The following EFHC1 variants were observed in gnomAD, a reference collection of about 807,000 sequenced individuals.
The protein encoded by EFHC1 is EF-hand domain-containing protein 1.
Under a neutral mutation model 69.9 loss-of-function variants are expected in EFHC1, and 53 were observed. The ratio of observed to expected loss-of-function variants is 0.76; its 90% confidence interval spans 0.61 to 0.95. The LOEUF (loss-of-function observed/expected upper bound fraction) is 0.95, where lower values mean the gene tolerates loss of function less well. Among genes scored for constraint, EFHC1 ranks in the 40% least tolerant of loss-of-function variants. The probability of loss-of-function intolerance (pLI) is 0.00; values close to 1 mark genes in which losing one functional copy is unlikely to be tolerated. For missense variants in EFHC1, 739 were observed against 798.7 expected, an observed-to-expected ratio of 0.93 and a Z score of 0.90; for synonymous variants, 256 against 278.4, an observed-to-expected ratio of 0.92 and a Z score of 0.80.
chr6:52,444,133 G>T (rs1376393135), intron 3 of EFHC1, among the ~76,000 whole-genome samples: 1 of 152,186 alleles, frequency 6.6e-6, no homozygotes, highest in African/African-American at 2.4e-5. Context: ...TTCGCACATT[G>T]ATTTTGTATC....
At chr6:52,483,157 A>G (rs1765715549) in intron 9 of EFHC1, 5 of 295,874 alleles carry the variant, frequency 1.7e-5, no homozygotes, top group Non-Finnish European at 3.1e-5. Flanking sequence ...TAAAGTCCTG[A>G]CAGATAAGTT....
Position 52,492,587 on chromosome 6 carries a change from G to C in EFHC1, c.*246G>C. ...TGTCAAATTGACTTGGCCACAGGGG[G>C]CCCAAATATTTCCTTTCTTTCTTTT... On this transcript the variant is annotated 3_prime_UTR_variant, in exon 11 of 11. Coordinates refer to ENST00000371068, the MANE Select transcript of EFHC1 (RefSeq NM_018100.4). The C allele has an allele frequency of 1.6e-6, 1 of 640,032 alleles. No individual in the cohort carries two copies. 39.6% of individuals were successfully genotyped at this position (640,032 alleles called of 1,614,324 possible).
In EFHC1 at chr6:52,492,283, G is replaced by A. The variant is rs765406474; in HGVS notation, c.1865G>A (p.Cys622Tyr). Reference sequence around the variant, plus strand: ...CTCTCTCTGCAGTTAATCAGGATGTGCTCTCATGGAGAAGGCAAAATTAAC... The same window carrying A: ...CTCTCTCTGCAGTTAATCAGGATGTACTCTCATGGAGAAGGCAAAATTAAC... Reference protein sequence around the residue: ...DSLVKELIRMCSHGEGKINYY... With the variant: ...DSLVKELIRMYSHGEGKINYY... The change falls in exon 11 of 11, where the codon TGC becomes TAC. Residue 622 changes from cysteine (C) to tyrosine (Y), a missense_variant. Cys to Tyr is a radical substitution (Grantham distance 194). Coordinates refer to ENST00000371068, the MANE Select transcript of EFHC1 (RefSeq NM_018100.4). 3 of 1,613,850 alleles carry A rather than the reference G, an allele frequency of 1.9e-6. No homozygotes were observed. Among genetic ancestry groups the A allele is most frequent in the African/African-American group, 2.7e-5 (2 of 74,902 alleles).
chr6:52,433,640 T>C (rs1472198416), intron 2 of EFHC1, among the ~76,000 whole-genome samples: 1 of 152,186 alleles, frequency 6.6e-6, no homozygotes, highest in Admixed American at 6.5e-5. Context: ...TGTACTATTT[T>C]TGTGCTGGTT....
intron 9 of EFHC1, among the ~76,000 whole-genome samples, chr6:52,489,652 C>G (rs1420323904): frequency 6.6e-6 from 1 of 152,180 alleles, no homozygotes; most frequent in African/African-American, 2.4e-5. Flanking sequence ...GATAACCTTT[C>G]ACAAAATTCA....
intron 9 of EFHC1, 130 bp downstream of exon 9, chr6:52,479,917 A>G (rs1359328382): frequency 7.1e-7 from 1 of 1,418,308 alleles, no homozygotes; most frequent in East Asian, 2.5e-5. Context: ...AGATATAAAC[A>G]GAAGGTTCCC....
chr6:52,466,439 A>G (rs1286599926), intron 6 of EFHC1, among the ~76,000 whole-genome samples: 7 of 152,124 alleles, frequency 4.6e-5, no homozygotes, highest in Non-Finnish European at 7.4e-5. Context: ...TCCAATACCC[A>G]GTGTAGGCTT....
At chr6:52,448,932 G>T (rs944738761) in intron 3 of EFHC1, among the ~76,000 whole-genome samples, 1 of 152,140 alleles carries the variant, frequency 6.6e-6, no homozygotes, top group Non-Finnish European at 1.5e-5. Flanking sequence ...TTTTGTTGAG[G>T]ATATTTGCAT....
At chr6:52,447,017 G>C (rs769864612) in intron 3 of EFHC1, among the ~76,000 whole-genome samples, 5 of 152,072 alleles carry the variant, frequency 3.3e-5, no homozygotes, top group Non-Finnish European at 5.9e-5. Context: ...TTTCAACTTT[G>C]GTGAATCTGA....
intron 3 of EFHC1, among the ~76,000 whole-genome samples, chr6:52,447,985 G>T (rs1379909978): frequency 6.6e-6 from 1 of 152,210 alleles, no homozygotes; most frequent in East Asian, 1.9e-4. Flanking sequence ...GGCCCCTACT[G>T]GGAGGTGTCT....
intron 1 of EFHC1, chr6:52,423,657 A>ATTTTTTTTT (rs59383268): frequency 1.5e-5 from 4 of 263,444 alleles, no homozygotes; most frequent in African/African-American, 3.8e-5. Context: ...CACCCAGCTA[A>ATTTTTTTTT]TTTTTTTTTT....
chr6:52,427,927 C>G (rs1303650607), intron 2 of EFHC1, among the ~76,000 whole-genome samples: 2 of 114,954 alleles, frequency 1.7e-5, no homozygotes, highest in Non-Finnish European at 3.8e-5. Context: ...TGAGCACTTC[C>G]TGGGAGTTAG....
At chr6:52,473,597 A>G (rs563692236) in intron 7 of EFHC1, among the ~76,000 whole-genome samples, 1 of 152,254 alleles carries the variant, frequency 6.6e-6, no homozygotes, top group African/African-American at 2.4e-5. Flanking sequence ...TATGGCCAAC[A>G]TGTTGAAACC....
chr6:52,429,791 T>C (rs1326552355), intron 2 of EFHC1, among the ~76,000 whole-genome samples: 1 of 152,142 alleles, frequency 6.6e-6, no homozygotes, highest in African/African-American at 2.4e-5. Flanking sequence ...GGCAGTATGG[T>C]CATTTTCACA....
At chr6:52,467,654 G>T (rs979721495) in intron 6 of EFHC1, among the ~76,000 whole-genome samples, 13 of 152,118 alleles carry the variant, frequency 8.5e-5, no homozygotes, top group African/African-American at 3.1e-4. Context: ...TTGGTTGGTT[G>T]TTTTGCTCTA....
intron 1 of EFHC1, 155 bp from the exon 2 acceptor site, chr6:52,423,791 C>T (rs1178789138): frequency 1.3e-6 from 2 of 1,531,620 alleles, no homozygotes; most frequent in South Asian, 2.4e-5. Flanking sequence ...TAGGCACGAG[C>T]CACCATGCCC....
At chr6:52,456,782 G>T (rs780629023) in intron 5 of EFHC1, among the ~76,000 whole-genome samples, 1 of 152,174 alleles carries the variant, frequency 6.6e-6, no homozygotes, top group African/African-American at 2.4e-5. Context: ...GGGCATGGTG[G>T]CAGGTGCCTG....
At chr6:52,435,529 G>T (rs1015952487) in intron 2 of EFHC1, among the ~76,000 whole-genome samples, 2 of 151,984 alleles carry the variant, frequency 1.3e-5, no homozygotes, top group Admixed American at 6.6e-5. Context: ...CCACTATATC[G>T]CCAGCACTGG....
chr6:52,461,805 A>G lies in EFHC1; in HGVS notation c.917-3090A>G, dbSNP rs550778692. Among the ~76,000 whole-genome samples the G allele has an allele frequency of 3.1e-4, 47 of 152,340 alleles. 1 individual carries two copies. Among genetic ancestry groups the G allele is most frequent in the South Asian group, 1.9e-3 (9 of 4,832 alleles). The stretch of plus-strand genomic sequence containing the variant: ...AAACAACTGATGAAGCTATATTAGT[A>G]TAATACAAAAAGACATTTGGGCAAA... On this transcript the variant is annotated intron_variant, in intron 5 of 10. Transcript: ENST00000371068.
Sources: allele counts gnomAD v4.1 joint callset (sites outside exome capture counted in the v4.1 genomes callset), GRCh38; gene constraint gnomAD v4.1.1; transcripts MANE v1.5; gene names NCBI Gene and HGNC (gene_info 2026-07-23, HGNC 2026-07-21).